FAM53A: variants seen among roughly 807,000 people sequenced by gnomAD.
FAM53A encodes family with sequence similarity 53 member A, also known as protein FAM53A.
In FAM53A, 28 loss-of-function variants were observed where a neutral mutation model predicts 26.6. The ratio of observed to expected loss-of-function variants is 1.05; its 90% CI spans 0.78 to 1.45. FAM53A has a LOEUF of 1.45. Ranked by LOEUF, FAM53A falls within the 40% of genes most tolerant of loss-of-function variation. The pLI, the probability that FAM53A is intolerant of heterozygous loss-of-function variation, is 0.00. For synonymous variants in FAM53A, 290 were observed against 253.1 expected (o/e 1.15, Z -1.38); for missense variants, 650 against 575.8 (o/e 1.13, Z -1.32).
At position 1,641,179 on chromosome 4, in the gene FAM53A, C is replaced by G. The variant is rs370560325; in HGVS notation, c.*114G>C. On this transcript the variant is annotated 3_prime_UTR_variant, in exon 5 of 5. Transcript: ENST00000308132. ...CCGACCAGCTCACAGGAAACCTACT[C>G]TGTGCCCCAGGGCAGGTGCCGGGCC... 38 of 807,942 alleles carry G rather than the reference C, an allele frequency of 4.7e-5. 2 individuals are homozygous for G. Among genetic ancestry groups the G allele is most frequent in the Middle Eastern group, 4.3e-4 (1 of 2,308 alleles). The allele number at this position is 807,942 out of a possible 1,614,324, so 50.0% of individuals were successfully genotyped here. A position where few individuals can be genotyped will look rare whatever the true frequency, so the allele number is the denominator to read the frequency against.
At chr4:1,595,174 C>G in the FAM53A span, among the ~76,000 whole-genome samples, 1 of 152,246 alleles carries the variant, frequency 6.6e-6, no homozygotes, top group Non-Finnish European at 1.5e-5. Flanking sequence ...GACAGAAACG[C>G]ACAACTGGTC....
chr4:1,613,156 G>A (rs943861926), downstream of FAM53A, among the ~76,000 whole-genome samples: 1 of 152,196 alleles, frequency 6.6e-6, no homozygotes, highest in Admixed American at 6.5e-5. Context: ...ACAAGGCATG[G>A]CCAACTCTTG....
At chr4:1,617,645 CT>C (rs1714856955), downstream of FAM53A, among the ~76,000 whole-genome samples, 1 of 152,218 alleles carries the variant, frequency 6.6e-6, no homozygotes, top group Non-Finnish European at 1.5e-5. Flanking sequence ...AAGGTTTCTT[CT>C]TTCACTGTTT....
intron 2 of FAM53A, among the ~76,000 whole-genome samples, chr4:1,662,334 C>T (rs897516975): frequency 1.1e-4 from 17 of 151,806 alleles, no homozygotes; most frequent in Non-Finnish European, 2.4e-4. Flanking sequence ...TAAAAATTAG[C>T]CGGGCGTGAT....
At chr4:1,585,036 A>G in the FAM53A span, among the ~76,000 whole-genome samples, 3 of 152,242 alleles carry the variant, frequency 2.0e-5, no homozygotes, top group African/African-American at 7.2e-5. Flanking sequence ...TGAAATATGC[A>G]TACATTGTGG....
intron 4 of FAM53A, chr4:1,644,261 G>C (rs1044107452): frequency 6.5e-7 from 1 of 1,535,902 alleles, no homozygotes; most frequent in Non-Finnish European, 8.7e-7. Flanking sequence ...CCTCTGGACT[G>C]ACTGCTCGGA....
chr4:1,644,167 G>C, intron 4 of FAM53A: 5 of 1,533,924 alleles, frequency 3.3e-6, no homozygotes, highest in Non-Finnish European at 4.4e-6. Flanking sequence ...ACACGCACCG[G>C]GGTGGCGGGG....
chr4:1,584,984 T>C, the FAM53A span, among the ~76,000 whole-genome samples: 1 of 152,254 alleles, frequency 6.6e-6, no homozygotes, highest in East Asian at 1.9e-4. Flanking sequence ...ATTTTTTAAC[T>C]GACTAAAATT....
chr4:1,671,961 T>A (rs1306645572), intron 1 of FAM53A, among the ~76,000 whole-genome samples: 1 of 151,996 alleles, frequency 6.6e-6, no homozygotes, highest in Non-Finnish European at 1.5e-5. Context: ...GTACAGGAAG[T>A]GAGGATGGCT....
At chr4:1,612,420 G>A in the FAM53A span, among the ~76,000 whole-genome samples, 2 of 152,286 alleles carry the variant, frequency 1.3e-5, no homozygotes, top group South Asian at 4.2e-4. Context: ...AGGGCCGAGT[G>A]CTCTCAGCCA....
Position 1,630,787 on chromosome 4 carries a change from C to G in FAM53A, c.432-12676G>C, listed in dbSNP as rs1340245354. ...GGAGCGCCCACTCGTGGGGAGGGGG[C>G]TCATTTGGGCGATGGGATAAAATGG... On this transcript the variant is annotated intron_variant, in intron 1 of 1. Coordinates refer to the FAM53A transcript ENST00000489029. The surrounding 1 kb of genome is among the most constrained non-coding windows in gnomAD (Gnocchi z 4.3). 1.3e-5 allele frequency among the ~76,000 whole-genome samples: 2 copies of G among 152,098 alleles called. No homozygotes were observed. The highest frequency in any genetic ancestry group is 4.8e-5 in the African/African-American group (2 of 41,422).
chr4:1,652,355 G>A lies in FAM53A; in HGVS notation c.882+2623C>T, dbSNP rs541270238. Reference sequence around the variant, plus strand: ...CACACACGCTATACACACACCACACGTCACACGCACAACACACACAACACA... The same window carrying A: ...CACACACGCTATACACACACCACACATCACACGCACAACACACACAACACA... On this transcript the variant is annotated intron_variant, in intron 4 of 4. Coordinates refer to ENST00000308132, the MANE Select transcript of FAM53A (RefSeq NM_001174070.3). 1.4e-4 allele frequency among the ~76,000 whole-genome samples: 15 copies of A among 108,012 alleles called. No homozygotes were observed. In the East Asian group the frequency reaches 2.7e-3, roughly 19 times the overall value. The allele number at this position is 108,012 out of a possible 152,430, so 70.9% of individuals were successfully genotyped here. A position where few individuals can be genotyped will look rare whatever the true frequency, so the allele number is the denominator to read the frequency against.
intron 4 of FAM53A, among the ~76,000 whole-genome samples, chr4:1,650,524 T>A (rs1306512003): frequency 2.0e-5 from 3 of 151,976 alleles, no homozygotes; most frequent in Admixed American, 2.0e-4. Flanking sequence ...TGAGACAGAG[T>A]CTCACTCTGT....
At chr4:1,623,108 C>G (rs145210073) in intron 1 of FAM53A, among the ~76,000 whole-genome samples, 1 of 152,242 alleles carries the variant, frequency 6.6e-6, no homozygotes, top group African/African-American at 2.4e-5. Context: ...GCCCGGCATG[C>G]GGTCCCCCAC....
At chr4:1,642,422 C>A (rs55889674) in intron 4 of FAM53A, among the ~76,000 whole-genome samples, 30,534 of 152,028 alleles carry the variant, frequency 0.2, 3,637 homozygotes, top group Middle Eastern at 0.28. Flanking sequence ...GCCACCACCC[C>A]CTTCTCACTC....
intron 2 of FAM53A, 119 bp downstream of exon 2, chr4:1,668,548 C>CA: frequency 8.9e-7 from 1 of 1,122,778 alleles, no homozygotes; most frequent in Admixed American, 2.1e-5. Flanking sequence ...ATCCCTGGCC[C>CA]AGCAGGGCCC....
chr4:1,634,427 C>T (rs143153006), intron 1 of FAM53A, among the ~76,000 whole-genome samples: 76 of 152,312 alleles, frequency 5.0e-4, no homozygotes, highest in African/African-American at 1.7e-3. Context: ...GCCACCACCT[C>T]GGCCACCATG....
the FAM53A span, among the ~76,000 whole-genome samples, chr4:1,610,646 G>A: frequency 1.6e-4 from 25 of 151,876 alleles, no homozygotes; most frequent in Admixed American, 5.9e-4. Context: ...GGGATTCCGC[G>A]ACGTGGGGGG....
At position 1,627,813 on chromosome 4, in the gene FAM53A, C is replaced by T. The variant is rs541035261; in HGVS notation, c.432-9702G>A. 2.0e-5 allele frequency among the ~76,000 whole-genome samples: 3 copies of T among 152,054 alleles called. No individual in the cohort carries two copies. In the South Asian group the frequency reaches 6.2e-4, roughly 32 times the overall value. ...TGGGGGTCTCCACTCAGCAGGGCAG[C>T]CCCTCCAGAGGTCATGCAGGGGGCC... On this transcript the variant is annotated intron_variant, in intron 1 of 1. Transcript: ENST00000489029.
Sources: gnomAD v4.1 joint callset for allele counts (sites outside exome capture counted in the v4.1 genomes callset) on GRCh38, gnomAD v4.1.1 for gene constraint, Gnocchi (gnomAD v3.1) non-coding constraint, MANE v1.5 for transcripts, NCBI Gene and HGNC (gene_info 2026-07-23, HGNC 2026-07-21) for gene names.